SPAST: variants seen among roughly 807,000 people sequenced by gnomAD.
The protein encoded by SPAST is spastic paraplegia 4 (autosomal dominant; spastin).
Under a neutral mutation model 76.6 loss-of-function variants are expected in SPAST, and 30 were observed. That is an observed-to-expected ratio of 0.39 (90% CI 0.29 to 0.53). SPAST has a LOEUF of 0.53. Ranked by LOEUF, SPAST falls within the 20% of genes least tolerant of loss-of-function variation. The pLI is 0.68. For synonymous variants in SPAST, 305 were observed against 281.0 expected (o/e 1.09, Z -0.86); for missense variants, 717 against 770.5 (o/e 0.93, Z 0.82).
intron 1 of SPAST, 90 bp downstream of exon 1, chr2:32,064,336 C>G (rs1318623838): frequency 8.2e-7 from 1 of 1,226,682 alleles, no homozygotes; most frequent in South Asian, 1.3e-5. Flanking sequence ...CCCTTTTCTG[C>G]GGGAGGGGAC....
Position 32,105,857 on chromosome 2 carries a change from G to A in SPAST, c.682+6966G>A, listed in dbSNP as rs182753816. 1.1e-3 allele frequency among the ~76,000 whole-genome samples: 175 copies of A among 152,260 alleles called. 1 individual carries two copies. The highest frequency in any genetic ancestry group is 3.8e-3 in the African/African-American group (157 of 41,536). Reference sequence around the variant, plus strand: ...ACAGGGGTACCCAGGTATATGAGGCGTCAGTCAGCCCGTATGGGGAGGTGT... The same window carrying A: ...ACAGGGGTACCCAGGTATATGAGGCATCAGTCAGCCCGTATGGGGAGGTGT... On this transcript the variant is annotated intron_variant, in intron 4 of 16. Transcript: ENST00000315285.
chr2:32,077,795 A>C (rs1677024939), intron 1 of SPAST: 1 of 152,212 alleles, frequency 6.6e-6, no homozygotes, highest in Admixed American at 6.5e-5. Flanking sequence ...CCTCTATTTA[A>C]AGATGAATAT....
At chr2:32,147,457 C>T (rs1679930710) in intron 16 of SPAST, among the ~76,000 whole-genome samples, 199 bp downstream of exon 16, 1 of 140,956 alleles carries the variant, frequency 7.1e-6, no homozygotes, top group Non-Finnish European at 1.5e-5. Flanking sequence ...CAAGTAGCTA[C>T]AGGCATGTAC....
At position 32,098,849 on chromosome 2, in the gene SPAST, G is replaced by T. The variant is rs370480320; in HGVS notation, c.640G>T (p.Asp214Tyr). 6 of 1,613,670 alleles carry T rather than the reference G, an allele frequency of 3.7e-6. No individual in the cohort carries two copies. The African/African-American group carries it at 8.0e-5, about 22-fold the overall frequency. ...FSKSQTDVYN[D>Y]STNLACRNGH... is the part of the protein sequence containing the mutation. The stretch of plus-strand genomic sequence containing the variant: ...CAAGTCACAAACGGACGTCTATAAT[G>T]ACAGTACTAACTTGGCATGCCGCAA... Residue 214 changes from aspartate to tyrosine, a missense_variant, in exon 4 of 17, where the codon GAC (aspartate) becomes TAC (tyrosine). Transcript: ENST00000315285.
At chr2:32,132,922 T>G (rs1381469727) in intron 9 of SPAST, among the ~76,000 whole-genome samples, 1 of 152,166 alleles carries the variant, frequency 6.6e-6, no homozygotes, top group East Asian at 1.9e-4. Context: ...GGCACATGCC[T>G]GTAATCCCAG....
intron 14 of SPAST, 51 bp downstream of exon 14, chr2:32,143,466 A>G: frequency 1.8e-6 from 2 of 1,100,712 alleles, no homozygotes; most frequent in Non-Finnish European, 2.7e-6. Flanking sequence ...ATTTTTTGTA[A>G]ATAATTCTTT....
chr2:32,063,700 G>C lies in SPAST; in HGVS notation c.-132G>C, dbSNP rs1423658469. The C allele has an allele frequency of 1.6e-6, 2 of 1,250,496 alleles. No individual in the cohort carries two copies. The highest frequency in any genetic ancestry group is 1.5e-5 in the African/African-American group (1 of 65,978). 77.5% of individuals were successfully genotyped at this position (1,250,496 alleles called of 1,614,324 possible). A position where few individuals can be genotyped will look rare whatever the true frequency, so the allele number is the denominator to read the frequency against. ...CGGGGCCGGCGGGCAGCGTGCGGCA[G>C]TGCGGAGCTCCTGAGACCGGCGGGC... is the stretch of plus-strand genomic sequence containing the variant. On this transcript the variant is annotated 5_prime_UTR_variant, in exon 1 of 17. Coordinates refer to ENST00000315285, the MANE Select transcript of SPAST (RefSeq NM_014946.4).
intron 2 of SPAST, among the ~76,000 whole-genome samples, chr2:32,088,732 T>G (rs903182278): frequency 2.0e-5 from 3 of 152,200 alleles, no homozygotes; most frequent in African/African-American, 7.2e-5. Context: ...TTAATTAAAG[T>G]ATGATATATG....
chr2:32,145,615 TA>T (rs1329732158), intron 15 of SPAST, among the ~76,000 whole-genome samples: 2 of 151,984 alleles, frequency 1.3e-5, no homozygotes, highest in African/African-American at 4.8e-5. Flanking sequence ...TTAATGTGTC[TA>T]AAGGAAATTC....
chr2:32,133,391 A>G (rs1573150659), intron 9 of SPAST, among the ~76,000 whole-genome samples: 2 of 152,042 alleles, frequency 1.3e-5, no homozygotes, highest in Non-Finnish European at 2.9e-5. Context: ...CCCTCCAGGC[A>G]CTCCACCATC....
chr2:32,081,927 T>C (rs1677247509), intron 1 of SPAST, among the ~76,000 whole-genome samples: 1 of 151,478 alleles, frequency 6.6e-6, no homozygotes, highest in South Asian at 2.1e-4. Context: ...TTTCTAAATT[T>C]TGGTAATTTT....
chr2:32,151,868 A>G (rs1412743628), intron 16 of SPAST, among the ~76,000 whole-genome samples: 2 of 151,438 alleles, frequency 1.3e-5, no homozygotes, highest in African/African-American at 2.4e-5. Flanking sequence ...CTGAGATCGT[A>G]CCACTGCACT....
chr2:32,133,327 T>C (rs552191384), intron 9 of SPAST, among the ~76,000 whole-genome samples: 13 of 152,326 alleles, frequency 8.5e-5, no homozygotes, highest in African/African-American at 2.9e-4. Context: ...GCGAATATAC[T>C]TTCATAATCA....
intron 7 of SPAST, among the ~76,000 whole-genome samples, chr2:32,117,391 G>A (rs922231482): frequency 4.8e-5 from 7 of 145,268 alleles, no homozygotes; most frequent in African/African-American, 2.0e-4. Context: ...CGCTCAAAGA[G>A]TGTGGTAAAC....
Position 32,139,262 on chromosome 2 carries a change from C to T in SPAST, c.1493+2074C>T, listed in dbSNP as rs140426146. Among the ~76,000 whole-genome samples, 1,355 of 152,088 alleles carry T rather than the reference C, an allele frequency of 8.9e-3. 23 individuals carry two copies. Among genetic ancestry groups the T allele is most frequent in the South Asian group, 0.049 (236 of 4,814 alleles). On this transcript the variant is annotated intron_variant, in intron 12 of 16. Coordinates refer to ENST00000315285, the MANE Select transcript of SPAST (RefSeq NM_014946.4). ...TGCTTTGGGCAGTATAGTCATTTTA[C>T]GACCAGATAAATCAGGCAAGAGAAG... is the stretch of plus-strand genomic sequence containing the variant.
rs1291011272 is a variant in SPAST at position 32,157,286 on chromosome 2, A to G, written c.*2790A>G. On this transcript the variant is annotated 3_prime_UTR_variant, in exon 17 of 17. Transcript: ENST00000315285. ...CCAGATATCTTAAGGGTAAAAGCTT[A>G]TTCTAAGACAGTCTGTCCATTGAGA... is the stretch of plus-strand genomic sequence containing the variant. 6.6e-6 allele frequency: 1 copy of G among 152,636 alleles called. No individual in the cohort carries two copies. The highest frequency in any genetic ancestry group is 2.4e-5 in the African/African-American group (1 of 41,460). 9.5% of individuals were successfully genotyped at this position (152,636 alleles called of 1,614,324 possible).
chr2:32,099,710 T>C (rs1250357527), intron 4 of SPAST, among the ~76,000 whole-genome samples: 1 of 152,150 alleles, frequency 6.6e-6, no homozygotes, highest in African/African-American at 2.4e-5. Context: ...TGATATAATA[T>C]ATTATATTGT....
chr2:32,119,748 G>A (rs1422697666), intron 7 of SPAST, among the ~76,000 whole-genome samples: 2 of 151,952 alleles, frequency 1.3e-5, no homozygotes, highest in South Asian at 2.1e-4. Context: ...CTCTCCTCTC[G>A]CCCAAAAGTA....
Position 32,154,830 on chromosome 2 carries a change from A to G in SPAST, c.*334A>G. 3.8e-6 allele frequency: 1 copy of G among 259,976 alleles called. No homozygotes were observed. The highest frequency in any genetic ancestry group is 7.6e-6 in the Non-Finnish European group (1 of 132,210). 16.1% of individuals were successfully genotyped at this position (259,976 alleles called of 1,614,324 possible). A position where few individuals can be genotyped will look rare whatever the true frequency, so the allele number is the denominator to read the frequency against. ...TGTATATTGTGTTGCAGATGAAAGT[A>G]TTCCAGGAACAGTGAATGGTAGAAG... On this transcript the variant is annotated 3_prime_UTR_variant, in exon 17 of 17. Transcript: ENST00000315285.
Sources: gnomAD v4.1 joint callset for allele counts (sites outside exome capture counted in the v4.1 genomes callset) on GRCh38, gnomAD v4.1.1 for gene constraint, MANE v1.5 for transcripts, NCBI Gene and HGNC (gene_info 2026-07-23, HGNC 2026-07-21) for gene names.